The following RABGEF1 variants were observed in gnomAD, a reference collection of about 807,000 sequenced individuals.
RABGEF1 encodes the protein RAB guanine nucleotide exchange factor 1, also known as rab5 GDP/GTP exchange factor.
In RABGEF1, 26 loss-of-function variants were observed where a neutral mutation model predicts 57.3. The observed-to-expected ratio is 0.45, with a 90% CI of 0.33 to 0.63. The LOEUF is 0.63. Ranked by LOEUF, RABGEF1 falls within the 20% of genes least tolerant of loss-of-function variation. The pLI is 0.02. For synonymous variants in RABGEF1, 185 were observed against 210.7 expected, an observed-to-expected ratio of 0.88 and a Z score of 1.06; for missense variants, 464 against 607.6, an observed-to-expected ratio of 0.76 and a Z score of 2.48.
chr7:66,758,792 C>T (rs1032598584), intron 1 of RABGEF1, among the ~76,000 whole-genome samples: 1 of 152,174 alleles, frequency 6.6e-6, no homozygotes, highest in Non-Finnish European at 1.5e-5. Flanking sequence ...TACTTAGAAG[C>T]AGCAGAATGA....
At chr7:66,792,683 T>G (rs964090390) in intron 4 of RABGEF1, among the ~76,000 whole-genome samples, 1 of 152,214 alleles carries the variant, frequency 6.6e-6, no homozygotes, top group African/African-American at 2.4e-5. Flanking sequence ...TCATTGCCTT[T>G]GCTCACAGAT....
intron 2 of RABGEF1, among the ~76,000 whole-genome samples, chr7:66,724,371 T>A (rs181670479): frequency 6.8e-4 from 104 of 152,158 alleles, no homozygotes; most frequent in South Asian, 5.6e-3. Flanking sequence ...ATTTTATTTT[T>A]TTTTTTTGAG....
intron 1 of RABGEF1, among the ~76,000 whole-genome samples, chr7:66,706,525 T>C (rs1794115286): frequency 6.6e-6 from 1 of 151,742 alleles, no homozygotes. Flanking sequence ...TTCTCCTGCC[T>C]CAGCCTTCTG....
At chr7:66,737,839 G>GC (rs1428811210), upstream of RABGEF1, among the ~76,000 whole-genome samples, 10 of 152,096 alleles carry the variant, frequency 6.6e-5, no homozygotes, top group Non-Finnish European at 1.5e-4. Context: ...GCCTGCTACT[G>GC]CTAAACAGGT....
chr7:66,724,496 A>AT (rs1243817048), intron 2 of RABGEF1, among the ~76,000 whole-genome samples: 5 of 152,050 alleles, frequency 3.3e-5, no homozygotes. Context: ...AGTAGCTGAG[A>AT]TTACAGGCGC....
chr7:66,728,818 ATCC>A (rs1489155486), intron 2 of RABGEF1, among the ~76,000 whole-genome samples: 1 of 151,946 alleles, frequency 6.6e-6, no homozygotes, highest in African/African-American at 2.4e-5. Context: ...CTTCACCTCC[ATCC>A]TCAAGACCAC....
chr7:66,751,854 C>G (rs867436134), intron 1 of RABGEF1, among the ~76,000 whole-genome samples: 1 of 152,296 alleles, frequency 6.6e-6, no homozygotes, highest in Middle Eastern at 3.4e-3. Context: ...AAACCAGCCT[C>G]CTCCCCGGAT....
At chr7:66,691,498 G>A (rs1360517705) in intron 1 of RABGEF1, among the ~76,000 whole-genome samples, 1 of 151,992 alleles carries the variant, frequency 6.6e-6, no homozygotes, top group Non-Finnish European at 1.5e-5. Flanking sequence ...GAAAAAAATT[G>A]GACCCAAAAA....
At chr7:66,679,928 G>A (rs1789576923), upstream of RABGEF1, among the ~76,000 whole-genome samples, 1 of 152,176 alleles carries the variant, frequency 6.6e-6, no homozygotes, top group Non-Finnish European at 1.5e-5. Flanking sequence ...TACCATCCCA[G>A]CTACTGGGGA....
intron 1 of RABGEF1, among the ~76,000 whole-genome samples, chr7:66,701,356 G>A (rs1793230263): frequency 6.6e-6 from 1 of 152,120 alleles, no homozygotes; most frequent in African/African-American, 2.4e-5. Flanking sequence ...TAAAAAATTA[G>A]CCAGGCATGG....
intron 1 of RABGEF1, among the ~76,000 whole-genome samples, chr7:66,761,094 C>G (rs1045440583): frequency 1.3e-5 from 2 of 152,228 alleles, no homozygotes; most frequent in African/African-American, 4.8e-5. Context: ...CAAAACCCCT[C>G]AAACTGTGTT....
chr7:66,737,727 A>T (rs1254396883), upstream of RABGEF1, among the ~76,000 whole-genome samples: 2 of 152,196 alleles, frequency 1.3e-5, no homozygotes, highest in East Asian at 3.8e-4. Context: ...GCATGGTGGC[A>T]CTTGCCTGTA....
chr7:66,661,010 G>C, the RABGEF1 span, among the ~76,000 whole-genome samples: 1 of 151,950 alleles, frequency 6.6e-6, no homozygotes, highest in Non-Finnish European at 1.5e-5. Context: ...TGGATCACTT[G>C]AGCTCAAGTT....
chr7:66,711,927 C>A (rs1794833576), intron 1 of RABGEF1, among the ~76,000 whole-genome samples: 1 of 152,234 alleles, frequency 6.6e-6, no homozygotes, highest in Middle Eastern at 3.4e-3. Flanking sequence ...CTATTTCATT[C>A]CATGGTGTTG....
the RABGEF1 span, among the ~76,000 whole-genome samples, chr7:66,675,277 A>C: frequency 2.6e-5 from 4 of 152,134 alleles, no homozygotes; most frequent in Non-Finnish European, 5.9e-5. Flanking sequence ...TAAAAATACA[A>C]AAATTAGCCA....
the RABGEF1 span, among the ~76,000 whole-genome samples, chr7:66,666,675 G>T: frequency 6.6e-6 from 1 of 152,354 alleles, no homozygotes; most frequent in Non-Finnish European, 1.5e-5. Context: ...CCGGCGGGTG[G>T]AGCCCTGTCT....
chr7:66,801,169 T>C (rs1562880629), intron 7 of RABGEF1, among the ~76,000 whole-genome samples: 2 of 152,204 alleles, frequency 1.3e-5, no homozygotes. Flanking sequence ...TCCTCTTAGC[T>C]CCAAGAGTTT....
the RABGEF1 span, among the ~76,000 whole-genome samples, chr7:66,657,561 C>G: frequency 6.6e-6 from 1 of 152,214 alleles, no homozygotes; most frequent in Non-Finnish European, 1.5e-5. Flanking sequence ...GTGGCTCATG[C>G]CAACATCCCA....
At chr7:66,677,959 G>C (rs570588923), upstream of RABGEF1, among the ~76,000 whole-genome samples, 1 of 151,640 alleles carries the variant, frequency 6.6e-6, no homozygotes, top group Non-Finnish European at 1.5e-5. Flanking sequence ...CAGCTACTTG[G>C]GGGGCTGAGG....
Sources: allele counts gnomAD v4.1 joint callset (sites outside exome capture counted in the v4.1 genomes callset), GRCh38; gene constraint gnomAD v4.1.1; transcripts MANE v1.5; gene names NCBI Gene and HGNC (gene_info 2026-07-23, HGNC 2026-07-21).